The following TCF7L2 variants were observed in gnomAD, a reference collection of about 807,000 sequenced individuals.
The protein encoded by TCF7L2 is transcription factor 7 like 2, also known as transcription factor 7-like 2.
Under a neutral mutation model 77.9 loss-of-function variants are expected in TCF7L2, and 23 were observed. That is an observed-to-expected ratio of 0.30 (90% CI 0.21 to 0.42). TCF7L2 has a LOEUF of 0.42. Among genes scored for constraint, TCF7L2 ranks in the 10% least tolerant of loss-of-function variants. The pLI, the probability that TCF7L2 is intolerant of heterozygous loss-of-function variation, is 1.00. For synonymous variants in TCF7L2, 413 were observed against 340.2 expected (o/e 1.21, Z -2.36); for missense variants, 654 against 793.1 (o/e 0.82, Z 2.11).
At chr10:112,971,792 T>C (rs2038311849) in intron 4 of TCF7L2, among the ~76,000 whole-genome samples, 2 of 148,770 alleles carry the variant, frequency 1.3e-5, no homozygotes, top group African/African-American at 2.5e-5. Context: ...TTTGTATTTT[T>C]AGTAGAGACG....
At chr10:112,985,076 C>G (rs1254987439) in intron 4 of TCF7L2, among the ~76,000 whole-genome samples, 1 of 152,040 alleles carries the variant, frequency 6.6e-6, no homozygotes, top group Non-Finnish European at 1.5e-5. Context: ...ACATGTACAG[C>G]GCCACAGTGC....
chr10:113,151,079 C>T lies in TCF7L2; in HGVS notation c.957C>T (p.Val319=), dbSNP rs768731338. Reference sequence around the variant, plus strand: ...ATCCGGCCATAGTCACACCAACAGTCAAACAGGAATCGTCCCAGAGTGATG... The same window carrying T: ...ATCCGGCCATAGTCACACCAACAGTTAAACAGGAATCGTCCCAGAGTGATG... Residue 319 remains valine, a synonymous_variant, in exon 9 of 14, where the codon GTC becomes GTT. Transcript: ENST00000627217. The surrounding 1 kb of genome is among the most constrained non-coding windows in gnomAD (Gnocchi z 5.2). 1.9e-6 allele frequency: 3 copies of T among 1,614,194 alleles called. No individual in the cohort carries two copies. The highest frequency in any genetic ancestry group is 2.2e-5 in the South Asian group (2 of 91,072).
chr10:113,034,468 G>A (rs1218879792), intron 4 of TCF7L2, among the ~76,000 whole-genome samples: 3 of 152,194 alleles, frequency 2.0e-5, no homozygotes, highest in Admixed American at 6.5e-5. Flanking sequence ...GCTATGGCTG[G>A]CTATACTCTC....
At chr10:113,164,286 C>T (rs1388735543) in intron 13 of TCF7L2, among the ~76,000 whole-genome samples, 60 of 152,184 alleles carry the variant, frequency 3.9e-4, no homozygotes, top group Admixed American at 3.9e-3. Flanking sequence ...AAGAAGGGCT[C>T]TGAAATTCTC....
chr10:112,978,186 A>T (rs910187033), intron 4 of TCF7L2, among the ~76,000 whole-genome samples: 1 of 152,174 alleles, frequency 6.6e-6, no homozygotes, highest in African/African-American at 2.4e-5. Flanking sequence ...ATTATTTTGA[A>T]ATATATGTCT....
intron 4 of TCF7L2, among the ~76,000 whole-genome samples, chr10:113,022,486 A>G (rs1590604003): frequency 6.6e-6 from 1 of 152,178 alleles, no homozygotes; most frequent in African/African-American, 2.4e-5. Flanking sequence ...AGCTGGGGAA[A>G]TGAGTGGGAG....
At position 112,950,644 on chromosome 10, in the gene TCF7L2, T is replaced by A; in HGVS notation, c.-113T>A. The A allele has an allele frequency of 2.5e-6, 3 of 1,201,946 alleles. No individual in the cohort carries two copies. The highest frequency in any genetic ancestry group is 1.5e-5 in the South Asian group (1 of 66,160). The allele number at this position is 1,201,946 out of a possible 1,614,324, so 74.5% of individuals were successfully genotyped here. On this transcript the variant is annotated 5_prime_UTR_variant, in exon 1 of 14. Coordinates refer to ENST00000627217, the MANE Select transcript of TCF7L2 (RefSeq NM_001146274.2). ...CAGAAAAAAGTTCACCTTGGACTCG[T>A]CTTTTTCTTGCAATATTTTTTGGGG...
chr10:113,144,171 G>T, intron 7 of TCF7L2, 146 bp downstream of exon 7: 1 of 769,690 alleles, frequency 1.3e-6, no homozygotes. Context: ...GTTGGGGAGG[G>T]GGCTGCGGGA....
intron 5 of TCF7L2, among the ~76,000 whole-genome samples, chr10:113,077,605 T>G (rs1257599921): frequency 6.6e-6 from 1 of 152,136 alleles, no homozygotes; most frequent in East Asian, 1.9e-4. Context: ...AAATTTGTGG[T>G]CCTTTGTGAC....
At position 113,155,564 on chromosome 10, in the gene TCF7L2, C is replaced by T. The variant is rs538960029; in HGVS notation, c.1270-2457C>T. On this transcript the variant is annotated intron_variant, in intron 11 of 13. Coordinates refer to ENST00000627217, the MANE Select transcript of TCF7L2 (RefSeq NM_001146274.2). ...AGTAGTCAACATCTCCGTGCTATAT[C>T]CTAAAGGCACAGCTTCTTTGTGTGT... is the stretch of plus-strand genomic sequence containing the variant. Among the ~76,000 whole-genome samples, 13 of 152,312 alleles carry T rather than the reference C, an allele frequency of 8.5e-5. No individual in the cohort carries two copies. In the South Asian group the frequency reaches 1.2e-3, roughly 15 times the overall value.
intron 4 of TCF7L2, among the ~76,000 whole-genome samples, chr10:112,993,710 C>G (rs1311388784): frequency 6.6e-6 from 1 of 152,142 alleles, no homozygotes; most frequent in African/African-American, 2.4e-5. Context: ...AAAACGACAC[C>G]TCTTGCCTCG....
At chr10:112,977,290 T>C (rs548482767) in intron 4 of TCF7L2, among the ~76,000 whole-genome samples, 4 of 152,320 alleles carry the variant, frequency 2.6e-5, no homozygotes, top group African/African-American at 9.6e-5. Context: ...GGAAGATTCT[T>C]CTCACTAGGG....
rs115759046 is a variant in TCF7L2 at position 112,989,654 on chromosome 10, G to A, written c.450+25030G>A. On this transcript the variant is annotated intron_variant, in intron 4 of 13. Transcript: ENST00000627217. ...GGTAGACCATATTATAAATAGGCGC[G>A]TTGCTATGGTGAGGATGGCAGTCCT... Among the ~76,000 whole-genome samples the A allele has an allele frequency of 2.6e-3, 398 of 152,254 alleles. 2 individuals are homozygous for A. The highest frequency in any genetic ancestry group is 9.0e-3 in the African/African-American group (374 of 41,546).
At chr10:113,025,315 T>C (rs2048962204) in intron 4 of TCF7L2, among the ~76,000 whole-genome samples, 1 of 150,790 alleles carries the variant, frequency 6.6e-6, no homozygotes, top group Admixed American at 6.6e-5. Flanking sequence ...CTTGGCTCAC[T>C]GCAATCTCCG....
intron 6 of TCF7L2, among the ~76,000 whole-genome samples, chr10:113,141,554 C>T (rs911619742): frequency 6.6e-6 from 1 of 152,164 alleles, no homozygotes; most frequent in Non-Finnish European, 1.5e-5. Context: ...TGTTAAAGAT[C>T]TCTTTATGGC....
chr10:113,043,943 C>T (rs1320329602), intron 5 of TCF7L2, among the ~76,000 whole-genome samples: 1 of 151,762 alleles, frequency 6.6e-6, no homozygotes, highest in Non-Finnish European at 1.5e-5. Flanking sequence ...TTGTATCCAG[C>T]AAAAAAAGAT....
chr10:113,047,257 T>C (rs1427349281), intron 5 of TCF7L2, among the ~76,000 whole-genome samples: 4 of 152,212 alleles, frequency 2.6e-5, no homozygotes, highest in African/African-American at 7.2e-5. Context: ...CACAGATTAT[T>C]TTCCTGAAAG....
intron 5 of TCF7L2, among the ~76,000 whole-genome samples, chr10:113,061,856 G>A (rs988716642): frequency 4.6e-5 from 7 of 152,168 alleles, no homozygotes; most frequent in African/African-American, 1.7e-4. Context: ...AGAGTGTCAG[G>A]ATTTTTAGTC....
chr10:112,971,703 C>T (rs2038288185), intron 4 of TCF7L2, among the ~76,000 whole-genome samples: 1 of 151,806 alleles, frequency 6.6e-6, no homozygotes, highest in Admixed American at 6.6e-5. Context: ...ACCTCCGCTT[C>T]CCGGGTTCAA....
Sources: allele counts gnomAD v4.1 joint callset (sites outside exome capture counted in the v4.1 genomes callset), GRCh38; gene constraint gnomAD v4.1.1; non-coding constraint Gnocchi (gnomAD v3.1); transcripts MANE v1.5; gene names NCBI Gene and HGNC (gene_info 2026-07-23, HGNC 2026-07-21).